The following CDC42BPA variants were observed in gnomAD, a reference collection of about 807,000 sequenced individuals.
CDC42BPA encodes CDC42 binding protein kinase alpha, also known as serine/threonine-protein kinase MRCK alpha.
A neutral mutation model predicts 223.5 loss-of-function variants in CDC42BPA; 80 were observed. That is an observed-to-expected ratio of 0.36 (90% CI 0.30 to 0.43). The LOEUF (loss-of-function observed/expected upper bound fraction) is 0.43. Ranked by LOEUF, CDC42BPA falls within the 20% of genes least tolerant of loss-of-function variation. The probability of loss-of-function intolerance (pLI) is 1.00; values close to 1 mark genes in which losing one functional copy is unlikely to be tolerated. For synonymous variants in CDC42BPA, 694 were observed against 718.6 expected, an observed-to-expected ratio of 0.97 and a Z score of 0.55; for missense variants, 1,743 against 2,099.9, an observed-to-expected ratio of 0.83 and a Z score of 3.32.
intron 1 of CDC42BPA, among the ~76,000 whole-genome samples, chr1:227,293,867 ATGC>A (rs1359161627): frequency 6.6e-6 from 1 of 152,174 alleles, no homozygotes; most frequent in African/African-American, 2.4e-5. Context: ...TAAGGGATAA[ATGC>A]TGCTTTTAAA....
intron 34 of CDC42BPA, among the ~76,000 whole-genome samples, chr1:227,012,604 T>C (rs1665434570): frequency 6.6e-6 from 1 of 152,204 alleles, no homozygotes; most frequent in South Asian, 2.1e-4. Context: ...AATACTGATT[T>C]GAATAAATTA....
intron 1 of CDC42BPA, among the ~76,000 whole-genome samples, chr1:227,316,572 G>A (rs1347774132): frequency 5.3e-5 from 8 of 152,106 alleles, no homozygotes; most frequent in Non-Finnish European, 1.5e-5. Context: ...GTTGACCTAA[G>A]GCAAACACAG....
intron 21 of CDC42BPA, among the ~76,000 whole-genome samples, chr1:227,058,141 A>C (rs1430837827): frequency 6.6e-6 from 1 of 152,224 alleles, no homozygotes; most frequent in Non-Finnish European, 1.5e-5. Context: ...ATAATCAAGC[A>C]ATCAGTTGAA....
chr1:227,159,762 G>A (rs1663520127), intron 6 of CDC42BPA, among the ~76,000 whole-genome samples: 1 of 151,938 alleles, frequency 6.6e-6, no homozygotes, highest in Non-Finnish European at 1.5e-5. Flanking sequence ...CTGGACTCAA[G>A]TGATCCTCTT....
chr1:227,063,278 A>T (rs1676312390), intron 21 of CDC42BPA, among the ~76,000 whole-genome samples: 1 of 152,128 alleles, frequency 6.6e-6, no homozygotes, highest in Non-Finnish European at 1.5e-5. Flanking sequence ...TGTGCAACCA[A>T]ATACCACTTT....
chr1:227,168,639 G>T (rs990748625), intron 5 of CDC42BPA, among the ~76,000 whole-genome samples: 2 of 151,794 alleles, frequency 1.3e-5, no homozygotes, highest in Non-Finnish European at 2.9e-5. Context: ...GGGACTACAG[G>T]CGCCTGCCAC....
intron 20 of CDC42BPA, 122 bp downstream of exon 20, chr1:227,072,086 G>A: frequency 3.5e-6 from 2 of 571,938 alleles, no homozygotes; most frequent in Non-Finnish European, 6.2e-6. Flanking sequence ...ATTCATAAAT[G>A]AGTGCCAGAA....
At chr1:227,198,174 G>A (rs1183495023) in intron 4 of CDC42BPA, among the ~76,000 whole-genome samples, 1 of 151,680 alleles carries the variant, frequency 6.6e-6, no homozygotes, top group Non-Finnish European at 1.5e-5. Context: ...CTTATGGCTG[G>A]GCATGGTGGC....
intron 2 of CDC42BPA, among the ~76,000 whole-genome samples, chr1:227,238,029 ACT>A (rs1276181273): frequency 8.4e-6 from 1 of 118,570 alleles, no homozygotes; most frequent in Non-Finnish European, 1.7e-5. Flanking sequence ...GAAGAGCAAA[ACT>A]CTGTCTCAAA....
chr1:227,105,813 A>C (rs960441094), intron 14 of CDC42BPA, among the ~76,000 whole-genome samples: 4 of 152,156 alleles, frequency 2.6e-5, no homozygotes, highest in African/African-American at 9.7e-5. Flanking sequence ...ACTCCATTGT[A>C]TTTATATACC....
chr1:227,218,105 G>A (rs1675189658), intron 2 of CDC42BPA, among the ~76,000 whole-genome samples: 1 of 152,128 alleles, frequency 6.6e-6, no homozygotes. Context: ...GGTAATCTAT[G>A]TGGGTGTATA....
At position 226,994,093 on chromosome 1, in the gene CDC42BPA, G is replaced by A; in HGVS notation, c.*175C>T. The A allele has an allele frequency of 1.8e-6, 1 of 566,012 alleles. No homozygotes were observed. The highest frequency in any genetic ancestry group is 3.1e-6 in the Non-Finnish European group (1 of 319,466). 35.1% of individuals were successfully genotyped at this position (566,012 alleles called of 1,614,324 possible). ...AGTCTGTCTTTGTTGTTGCTGTTAGGCTGGGGGCGTGGATCTGAGAGTCGT... is the reference window on the plus strand; with the variant it reads ...AGTCTGTCTTTGTTGTTGCTGTTAGACTGGGGGCGTGGATCTGAGAGTCGT... On this transcript the variant is annotated 3_prime_UTR_variant, in exon 37 of 37. Transcript: ENST00000366766. The surrounding 1 kb of genome is among the most constrained non-coding windows in gnomAD (Gnocchi z 4.0).
At chr1:227,089,465 G>C (rs1682636469) in intron 16 of CDC42BPA, among the ~76,000 whole-genome samples, 3 of 152,078 alleles carry the variant, frequency 2.0e-5, no homozygotes, top group Admixed American at 2.0e-4. Context: ...ACAGAGCAGA[G>C]GTTCAAATGG....
In CDC42BPA at chr1:227,139,719, A is replaced by T; in HGVS notation, c.1247T>A (p.Leu416Ter). The T allele has an allele frequency of 1.9e-6, 3 of 1,573,094 alleles. No individual in the cohort carries two copies. Among genetic ancestry groups the T allele is most frequent in the Non-Finnish European group, 2.6e-6 (3 of 1,164,358 alleles). Reference sequence around the variant, plus strand: ...TGAGGTGGGACCAGCCGTAACTCTTAAACAGCTCCGATCAGAAAGTACACT... The same window carrying T: ...TGAGGTGGGACCAGCCGTAACTCTTTAACAGCTCCGATCAGAAAGTACACT... Reference protein sequence around the residue: ...SSCVLSDRSCLRVTAGPTSLD... With the variant: ...SSCVLSDRSC The change falls in exon 10 of 37, where the codon TTA (leucine) becomes TAA (stop). Residue 416 changes from leucine to a stop codon, truncating the protein, a stop_gained. Coordinates refer to ENST00000366766, the MANE Select transcript of CDC42BPA (RefSeq NM_001394014.1). LOFTEE classifies it high-confidence loss of function.
At chr1:227,007,269 T>A (rs563523763) in intron 34 of CDC42BPA, among the ~76,000 whole-genome samples, 20 of 152,334 alleles carry the variant, frequency 1.3e-4, no homozygotes, top group Admixed American at 1.1e-3. Flanking sequence ...CTTTATCTTT[T>A]CTACATCATC....
intron 1 of CDC42BPA, among the ~76,000 whole-genome samples, chr1:227,290,418 A>G (rs1689502073): frequency 6.6e-6 from 1 of 152,156 alleles, no homozygotes; most frequent in South Asian, 2.1e-4. Flanking sequence ...GCTACACTCC[A>G]TTATAGACAT....
chr1:227,196,400 C>T (rs111621084), intron 4 of CDC42BPA, among the ~76,000 whole-genome samples: 22 of 125,108 alleles, frequency 1.8e-4, no homozygotes, highest in Admixed American at 6.1e-4. Flanking sequence ...AGTGCAGTGG[C>T]GTGACCTCAG....
intron 11 of CDC42BPA, among the ~76,000 whole-genome samples, chr1:227,128,794 A>C (rs986485823): frequency 5.3e-5 from 8 of 152,128 alleles, no homozygotes; most frequent in African/African-American, 1.9e-4. Flanking sequence ...AAATTCCAAA[A>C]TGAATAGGCC....
intron 1 of CDC42BPA, among the ~76,000 whole-genome samples, chr1:227,315,378 G>C (rs1694206226): frequency 6.6e-6 from 1 of 151,848 alleles, no homozygotes; most frequent in Admixed American, 6.6e-5. Context: ...CTAATAATCA[G>C]AAGGCAATGG....
Sources: allele counts gnomAD v4.1 joint callset (sites outside exome capture counted in the v4.1 genomes callset), GRCh38; gene constraint gnomAD v4.1.1; non-coding constraint Gnocchi (gnomAD v3.1); transcripts MANE v1.5; gene names NCBI Gene and HGNC (gene_info 2026-07-23, HGNC 2026-07-21).